The following SI variants were observed in gnomAD, a reference collection of about 807,000 sequenced individuals.
The protein encoded by SI is sucrase-isomaltase, also known as sucrase-isomaltase, intestinal.
Under a neutral mutation model 253.3 loss-of-function variants are expected in SI, and 235 were observed. That is an observed-to-expected ratio of 0.93 (90% confidence interval 0.83 to 1.03). The LOEUF (loss-of-function observed/expected upper bound fraction) is 1.03. SI is among the 50% of genes least tolerant of loss of function. The probability of loss-of-function intolerance (pLI) is 0.00; values close to 1 mark genes in which losing one functional copy is unlikely to be tolerated. For missense variants in SI, 2,442 were observed against 2,211.1 expected (o/e 1.10, Z -2.09); for synonymous variants, 819 against 712.0 (o/e 1.15, Z -2.39).
At chr3:165,031,905 G>C (rs1056280185) in intron 24 of SI, among the ~76,000 whole-genome samples, 1 of 151,104 alleles carries the variant, frequency 6.6e-6, no homozygotes, top group Non-Finnish European at 1.5e-5. Context: ...TTTAGAAGCA[G>C]AGATAGCAGA....
intron 16 of SI, among the ~76,000 whole-genome samples, chr3:165,043,458 G>T (rs1454019978): frequency 6.6e-6 from 1 of 151,432 alleles, no homozygotes; most frequent in Non-Finnish European, 1.5e-5. Flanking sequence ...TTAATTCATT[G>T]TAAAAGATGA....
chr3:165,021,065 A>G (rs1161777467), intron 27 of SI, among the ~76,000 whole-genome samples, 164 bp downstream of exon 27: 1 of 151,672 alleles, frequency 6.6e-6, no homozygotes, highest in Non-Finnish European at 1.5e-5. Context: ...AGTCCCATGG[A>G]CTATGTTTAG....
rs187502138 is a variant in SI, at chr3:165,020,835, A to T, written c.3254+394T>A. On this transcript the variant is annotated intron_variant, in intron 27 of 47. Transcript: ENST00000264382. ...ACTAATACCTGGCAGATAAATTATT[A>T]ATTCTATCAGATTCAAGCACCAATA... Among the ~76,000 whole-genome samples the T allele has an allele frequency of 2.6e-5, 4 of 151,846 alleles. No individual in the cohort carries two copies. In the East Asian group the frequency reaches 5.8e-4, roughly 22 times the overall value.
At chr3:165,076,632 AT>A (rs2108119438) in intron 1 of SI, among the ~76,000 whole-genome samples, 1 of 151,722 alleles carries the variant, frequency 6.6e-6, no homozygotes, top group Admixed American at 6.6e-5. Flanking sequence ...AATCTTTTGA[AT>A]TTTCACCAAG....
Position 165,065,328 on chromosome 3 carries a change from T to C in SI, c.740A>G (p.Lys247Arg), listed in dbSNP as rs759379495. The change falls in exon 7 of 48, where the codon AAG becomes AGG. Residue 247 changes from lysine (K) to arginine (R), a missense_variant. By Grantham distance (26) the Lys-to-Arg change is conservative. Coordinates refer to ENST00000264382, the MANE Select transcript of SI (RefSeq NM_001041.4). Reference protein sequence around the residue: ...YIYGIGEQVHKRFRHDLSWKT... With the variant: ...YIYGIGEQVHRRFRHDLSWKT... Reference sequence around the variant, plus strand: ...CCAGGATAAATCATGACGAAATCTCTTATGAACTTGTTCTCCAATACCATA... The same window carrying C: ...CCAGGATAAATCATGACGAAATCTCCTATGAACTTGTTCTCCAATACCATA... The C allele has an allele frequency of 1.2e-6, 2 of 1,606,496 alleles. No homozygotes were observed. The highest frequency in any genetic ancestry group is 1.3e-5 in the African/African-American group (1 of 74,716).
chr3:165,025,662 G>A (rs1010506416), intron 25 of SI, among the ~76,000 whole-genome samples: 1 of 151,382 alleles, frequency 6.6e-6, no homozygotes, highest in Admixed American at 6.6e-5. Context: ...CTACAAGCTA[G>A]AAGGGATTGG....
intron 31 of SI, among the ~76,000 whole-genome samples, chr3:165,017,077 A>C (rs1223634981): frequency 6.6e-6 from 1 of 151,976 alleles, no homozygotes; most frequent in Non-Finnish European, 1.5e-5. Flanking sequence ...GATACTTTGG[A>C]ATACTTAGCT....
chr3:165,039,028 G>A, intron 20 of SI, 50 bp downstream of exon 20: 2 of 1,202,754 alleles, frequency 1.7e-6, no homozygotes, highest in East Asian at 2.4e-5. Flanking sequence ...ATGTAGAAGT[G>A]TTTGAAAATA....
chr3:165,076,032 T>C lies in SI; in HGVS notation c.1-20A>G, dbSNP rs778512885. ...TGCCATCTAAAAACAGAAAAGAATA[T>C]ATATTTAAAATGTAAAATATATAAC... On this transcript the variant is annotated intron_variant, in intron 1 of 47. Coordinates refer to ENST00000264382, the MANE Select transcript of SI (RefSeq NM_001041.4). 4.1e-6 allele frequency: 6 copies of C among 1,467,838 alleles called. No individual in the cohort carries two copies. The African/African-American group carries it at 5.6e-5, about 14-fold the overall frequency. The allele number at this position is 1,467,838 out of a possible 1,614,324, so 90.9% of individuals were successfully genotyped here.
rs551832319 is a variant in SI, at chr3:165,037,975, G to C, written c.2351C>G (p.Ala784Gly). 1 of 1,610,708 alleles carries C rather than the reference G, an allele frequency of 6.2e-7. No homozygotes were observed. Among genetic ancestry groups the C allele is most frequent in the African/African-American group, 1.3e-5 (1 of 74,910 alleles). Residue 784 changes from alanine (A) to glycine (G), a missense_variant, in exon 21 of 48, where the codon GCA (alanine) becomes GGA (glycine). By Grantham distance (60) the Ala-to-Gly change is moderately conservative. Transcript: ENST00000264382. Reference protein sequence around the residue: ...RKQRVDMYLPADKIGLHLRGG... With the variant: ...RKQRVDMYLPGDKIGLHLRGG... ...TCTAAGATGTAATCCTATTTTGTCT[G>C]CTGGAAGATACATATCAACCCGTTG... is the stretch of plus-strand genomic sequence containing the variant.
Position 165,023,651 on chromosome 3 carries a change from G to C in SI, c.3018C>G (p.Ala1006=). ...TGGGGTCAGAAGGTAACTTTATTCT[G>C]GCATTTGCAGTATTTAGTTGGAGGT... The part of the protein sequence containing the change: ...TADLQLNTAN[A]RIKLPSDPIS... The change falls in exon 26 of 48, where the codon GCC becomes GCG. Residue 1006 remains alanine, a synonymous_variant. Transcript: ENST00000264382. 1 of 1,610,854 alleles carries C rather than the reference G, an allele frequency of 6.2e-7. No individual in the cohort carries two copies. The highest frequency in any genetic ancestry group is 8.5e-7 in the Non-Finnish European group (1 of 1,177,972).
chr3:165,072,518 G>A (rs1470917085), intron 3 of SI, among the ~76,000 whole-genome samples: 5 of 151,798 alleles, frequency 3.3e-5, no homozygotes, highest in East Asian at 3.9e-4. Flanking sequence ...ATTTAGGCCC[G>A]TTTTCTAATT....
intron 44 of SI, among the ~76,000 whole-genome samples, chr3:164,987,705 C>CA (rs112252307): frequency 0.049 from 7,318 of 148,968 alleles, 590 homozygotes; most frequent in African/African-American, 0.17. Flanking sequence ...AAGACTCCAT[C>CA]AAAAAAAAAA....
chr3:164,982,006 A>G (rs1717211445), intron 47 of SI, among the ~76,000 whole-genome samples: 1 of 152,140 alleles, frequency 6.6e-6, no homozygotes, highest in East Asian at 1.9e-4. Flanking sequence ...GTTTTAAGTT[A>G]ATTTTGCTGT....
At chr3:164,991,518 A>C in intron 43 of SI, 41 bp from the exon 44 acceptor site, 3 of 1,610,568 alleles carry the variant, frequency 1.9e-6, no homozygotes, top group Non-Finnish European at 2.5e-6. Context: ...GGAGCAAGAA[A>C]TGGAATCATC....
At chr3:165,051,427 C>T (rs1256515091) in intron 13 of SI, among the ~76,000 whole-genome samples, 1 of 151,898 alleles carries the variant, frequency 6.6e-6, no homozygotes, top group Non-Finnish European at 1.5e-5. Context: ...TCTAAAGCTA[C>T]ATTGAGTTAT....
chr3:165,074,564 T>C lies in SI; in HGVS notation c.222A>G (p.Arg74=). ...PNVLNDPVNV[R]INCIPEQFPT... is the part of the protein sequence containing the mutation. ...GGAATTGTTCTGGAATGCAGTTTAT[T>C]CTCACATTGACAGGATCATTTAACA... The change falls in exon 3 of 48, where the codon AGA becomes AGG. Residue 74 remains arginine (R), a synonymous_variant. Coordinates refer to ENST00000264382, the MANE Select transcript of SI (RefSeq NM_001041.4). 6.2e-7 allele frequency: 1 copy of C among 1,609,478 alleles called. No homozygotes were observed. Among genetic ancestry groups the C allele is most frequent in the Non-Finnish European group, 8.5e-7 (1 of 1,177,192 alleles).
At position 165,013,981 on chromosome 3, in the gene SI, C is replaced by T. The variant is rs532320253; in HGVS notation, c.4000-939G>A. ...GGCTCAAGCAATCCTCCTACCTCAGCCACTCAAACTGCAAGCATTACATGC... is the reference window on the plus strand; with the variant it reads ...GGCTCAAGCAATCCTCCTACCTCAGTCACTCAAACTGCAAGCATTACATGC... On this transcript the variant is annotated intron_variant, in intron 33 of 47. Coordinates refer to ENST00000264382, the MANE Select transcript of SI (RefSeq NM_001041.4). Among the ~76,000 whole-genome samples the T allele has an allele frequency of 2.6e-5, 4 of 152,232 alleles. No homozygotes were observed. In the South Asian group the frequency reaches 8.3e-4, roughly 32 times the overall value.
rs181114572 is a variant in SI at position 164,989,407 on chromosome 3, A to G, written c.5108+1946T>C. Among the ~76,000 whole-genome samples, 264 of 146,948 alleles carry G rather than the reference A, an allele frequency of 1.8e-3. 1 individual carries two copies. The highest frequency in any genetic ancestry group is 6.4e-3 in the African/African-American group (257 of 39,964). On this transcript the variant is annotated intron_variant, in intron 44 of 47. Coordinates refer to ENST00000264382, the MANE Select transcript of SI (RefSeq NM_001041.4). ...AAGAAAGGAAGAAAGAAAGAAAGAA[A>G]GAAAGAAAGAAAGAAAGAAAGAAAG...
Sources: gnomAD v4.1 joint callset for allele counts (sites outside exome capture counted in the v4.1 genomes callset) on GRCh38, gnomAD v4.1.1 for gene constraint, MANE v1.5 for transcripts, NCBI Gene and HGNC (gene_info 2026-07-23, HGNC 2026-07-21) for gene names.